The following TECTA variants were observed in gnomAD, a reference collection of about 807,000 sequenced individuals.
TECTA encodes alpha-tectorin.
Under a neutral mutation model 216.8 loss-of-function variants are expected in TECTA, and 128 were observed. The ratio of observed to expected loss-of-function variants is 0.59; its 90% CI spans 0.51 to 0.68. TECTA has a LOEUF of 0.68. TECTA is among the 30% of genes least tolerant of loss of function. The pLI is 0.00. For synonymous variants in TECTA, 1,089 were observed against 1,117.1 expected, an observed-to-expected ratio of 0.97 and a Z score of 0.50; for missense variants, 2,551 against 2,786.2, an observed-to-expected ratio of 0.92 and a Z score of 1.90.
At chr11:121,153,188 GT>G in intron 13 of TECTA, 108 bp downstream of exon 13, 2 of 1,339,144 alleles carry the variant, frequency 1.5e-6, no homozygotes, top group East Asian at 5.0e-5. Flanking sequence ...TATGAAGAGC[GT>G]CGTGTTCGTG....
chr11:121,168,725 G>C lies in TECTA; in HGVS notation c.5799G>C (p.Lys1933Asn). Residue 1933 changes from lysine to asparagine, a missense_variant, in exon 20 of 24, where the codon AAG becomes AAC. By Grantham distance (94) the Lys-to-Asn change is moderately conservative. This residue lies in a region of TECTA where 2,375 missense variants were observed against 2,563.9 expected (regional missense o/e 0.93). Transcript: ENST00000392793. Reference sequence around the variant, plus strand: ...CCCAAGAAGGCAGCTTCATCACCAAGATGGCTCTCTACAAAAACGCCTCCT... The same window carrying C: ...CCCAAGAAGGCAGCTTCATCACCAACATGGCTCTCTACAAAAACGCCTCCT... ...VPTQEGSFIT[K>N]MALYKNASYK... is the part of the protein sequence containing the mutation. The C allele has an allele frequency of 6.2e-7, 1 of 1,614,164 alleles. No homozygotes were observed. Among genetic ancestry groups the C allele is most frequent in the East Asian group, 2.2e-5 (1 of 44,890 alleles).
chr11:121,132,474 C>T (rs935272344), intron 10 of TECTA, among the ~76,000 whole-genome samples: 5 of 152,208 alleles, frequency 3.3e-5, no homozygotes, highest in Non-Finnish European at 4.4e-5. Context: ...TCGAGTGGAG[C>T]GTAGTGTTGA....
intron 3 of TECTA, among the ~76,000 whole-genome samples, chr11:121,106,820 G>A (rs684384): frequency 0.37 from 55,514 of 151,964 alleles, 10,309 homozygotes; most frequent in Middle Eastern, 0.41. Flanking sequence ...ATTACCTAAC[G>A]GTGGTCCCTG....
At position 121,138,041 on chromosome 11, in the gene TECTA, C is replaced by G. The variant is rs1165833187; in HGVS notation, c.3543+19C>G. 6.2e-7 allele frequency: 1 copy of G among 1,613,362 alleles called. No individual in the cohort carries two copies. Among genetic ancestry groups the G allele is most frequent in the Admixed American group, 1.7e-5 (1 of 60,006 alleles). ...TGTGCTGGTGAGTAGTCATGAGGTCCCCTCAAAAGGGGAATCGTGGAGACG... is the reference window on the plus strand; with the variant it reads ...TGTGCTGGTGAGTAGTCATGAGGTCGCCTCAAAAGGGGAATCGTGGAGACG... On this transcript the variant is annotated intron_variant, in intron 11 of 23. Coordinates refer to ENST00000392793, the MANE Select transcript of TECTA (RefSeq NM_005422.4).
intron 4 of TECTA, among the ~76,000 whole-genome samples, chr11:121,111,358 C>T (rs1433169487): frequency 1.3e-5 from 2 of 152,236 alleles, no homozygotes; most frequent in African/African-American, 4.8e-5. Context: ...AGTCTTCCAA[C>T]TCCAAATCCC....
chr11:121,103,314 A>G (rs936005756), intron 2 of TECTA, among the ~76,000 whole-genome samples: 3 of 152,200 alleles, frequency 2.0e-5, no homozygotes, highest in Non-Finnish European at 4.4e-5. Flanking sequence ...TGGATTTTAG[A>G]CAAAGACGGG....
At chr11:121,130,356 C>A in intron 10 of TECTA, 145 bp downstream of exon 10, 2 of 963,452 alleles carry the variant, frequency 2.1e-6, no homozygotes, top group Non-Finnish European at 3.0e-6. Flanking sequence ...TCTGATGTGT[C>A]CTCCCAAAGA....
At chr11:121,188,069 A>G (rs1947305182) in intron 21 of TECTA, 75 bp downstream of exon 21, 2 of 1,533,578 alleles carry the variant, frequency 1.3e-6, no homozygotes, top group South Asian at 2.3e-5. Flanking sequence ...AGGATCGTGA[A>G]TGCCAGGTGA....
intron 12 of TECTA, among the ~76,000 whole-genome samples, chr11:121,148,528 C>G (rs1946861322): frequency 6.6e-6 from 1 of 152,184 alleles, no homozygotes; most frequent in South Asian, 2.1e-4. Flanking sequence ...TGAGTCCTAA[C>G]TCAGCCATTC....
intron 23 of TECTA, chr11:121,190,209 T>C: frequency 2.6e-6 from 1 of 379,148 alleles, no homozygotes; most frequent in Admixed American, 3.7e-5. Context: ...ATTGGGATGC[T>C]TCCTCCAGCA....
rs148426950 is a variant in TECTA at position 121,125,600 on chromosome 11, C to T, written c.1502C>T (p.Ser501Phe). The change falls in exon 8 of 24, where the codon TCC (serine) becomes TTC (phenylalanine). Residue 501 changes from serine to phenylalanine, a missense_variant. Ser to Phe is a radical substitution (Grantham distance 155). Coordinates refer to ENST00000392793, the MANE Select transcript of TECTA (RefSeq NM_005422.4). ...TACCACGCAGACTGGAAGTGCGACT[C>T]CGGCTGCGTCGACAACTGCACCCAG... is the stretch of plus-strand genomic sequence containing the variant. ...RVYHADWKCD[S>F]GCVDNCTQCD... The T allele has an allele frequency of 8.6e-4, 1,382 of 1,613,846 alleles. 2 individuals are homozygous for T. The highest frequency in any genetic ancestry group is 1.8e-3 in the Middle Eastern group (11 of 6,062).
chr11:121,158,065 C>T lies in TECTA; in HGVS notation c.4530C>T (p.Ala1510=), dbSNP rs1353643281. Reference sequence around the variant, plus strand: ...TCCTGCGCTTCCCAGCCAACTGCGCCTTCGTGCTGTCCACCATCTGCCAGA... The same window carrying T: ...TCCTGCGCTTCCCAGCCAACTGCGCTTTCGTGCTGTCCACCATCTGCCAGA... ...GAFLRFPANC[A]FVLSTICQKL... Residue 1510 remains alanine (A), a synonymous_variant, in exon 14 of 24, where the codon GCC becomes GCT. Transcript: ENST00000392793. 1 of 1,613,858 alleles carries T rather than the reference C, an allele frequency of 6.2e-7. No individual in the cohort carries two copies. The highest frequency in any genetic ancestry group is 8.5e-7 in the Non-Finnish European group (1 of 1,179,988).
At chr11:121,180,813 CT>C (rs34807486) in intron 20 of TECTA, among the ~76,000 whole-genome samples, 25,473 of 119,744 alleles carry the variant, frequency 0.21, 1,856 homozygotes, top group Non-Finnish European at 0.25. Flanking sequence ...TTTCTTATTC[CT>C]TTTTTTTTTT....
At chr11:121,112,642 C>T (rs746761824) in intron 4 of TECTA, among the ~76,000 whole-genome samples, 1 of 152,200 alleles carries the variant, frequency 6.6e-6, no homozygotes, top group African/African-American at 2.4e-5. Context: ...TTTAATCACA[C>T]GGACTGGTAT....
chr11:121,114,172 A>G (rs186673347), intron 6 of TECTA, among the ~76,000 whole-genome samples: 168 of 152,248 alleles, frequency 1.1e-3, no homozygotes, highest in African/African-American at 3.8e-3. Flanking sequence ...CCAAGTTCCT[A>G]TGAGGGTAAA....
At position 121,164,518 on chromosome 11, in the gene TECTA, A is replaced by G. The variant is rs372087254; in HGVS notation, c.5273-755A>G. On this transcript the variant is annotated intron_variant, in intron 16 of 23. Transcript: ENST00000392793. ...TGGTTCTCAGACCGAGGCGTTGACT[A>G]TCTTGCAGGTGATCTCATCTGTTAC... Among the ~76,000 whole-genome samples, 63 of 152,324 alleles carry G rather than the reference A, an allele frequency of 4.1e-4. 1 individual carries two copies. In the South Asian group the frequency reaches 0.012, roughly 28 times the overall value.
At chr11:121,183,048 T>A (rs1463167787) in intron 20 of TECTA, among the ~76,000 whole-genome samples, 1 of 152,170 alleles carries the variant, frequency 6.6e-6, no homozygotes, top group African/African-American at 2.4e-5. Context: ...AGCCCCTTTT[T>A]CCTGGGGACA....
At chr11:121,136,024 T>C (rs1946722949) in intron 10 of TECTA, among the ~76,000 whole-genome samples, 1 of 151,790 alleles carries the variant, frequency 6.6e-6, no homozygotes, top group South Asian at 2.1e-4. Context: ...AGTGGCGCAA[T>C]CTCTGCTCAC....
intron 2 of TECTA, among the ~76,000 whole-genome samples, chr11:121,103,313 G>C (rs1306434633): frequency 1.3e-5 from 2 of 152,104 alleles, no homozygotes; most frequent in African/African-American, 4.8e-5. Context: ...TTGGATTTTA[G>C]ACAAAGACGG....
Sources: gnomAD v4.1 joint callset for allele counts (sites outside exome capture counted in the v4.1 genomes callset) on GRCh38, gnomAD v4.1.1 for gene constraint, gnomAD v4.1.1 regional missense constraint, MANE v1.5 for transcripts, NCBI Gene and HGNC (gene_info 2026-07-23, HGNC 2026-07-21) for gene names.